The following ZNF221 variants were observed in gnomAD, a reference collection of about 807,000 sequenced individuals.
The protein encoded by ZNF221 is zinc finger protein 221.
A neutral mutation model predicts 12.6 loss-of-function variants in ZNF221; 10 were observed. The ratio of observed to expected loss-of-function variants is 0.79; its 90% CI spans 0.49 to 1.34. ZNF221 has a LOEUF of 1.34. ZNF221 is among the 40% of genes most tolerant of loss of function. The probability of loss-of-function intolerance (pLI) is 0.00; values close to 1 mark genes in which losing one functional copy is unlikely to be tolerated. For missense variants in ZNF221, 661 were observed against 721.4 expected (o/e 0.92, Z 0.96); for synonymous variants, 232 against 244.0 (o/e 0.95, Z 0.46).
At chr19:43,964,823 A>T (rs981304517) in intron 2 of ZNF221, 127 bp from the exon 3 acceptor site, 1 of 1,254,516 alleles carries the variant, frequency 8.0e-7, no homozygotes, top group East Asian at 2.3e-5. Flanking sequence ...GGAAATCTGT[A>T]TGTTGACCTA....
At chr19:43,978,330 CA>C in the ZNF221 span, 1 of 152,140 alleles carries the variant, frequency 6.6e-6, no homozygotes, top group Non-Finnish European at 1.5e-5. Context: ...TTAAAGTTAG[CA>C]GTCTGACTTA....
intron 2 of ZNF221, among the ~76,000 whole-genome samples, chr19:43,963,171 T>C (rs1974876549): frequency 1.3e-5 from 2 of 152,226 alleles, no homozygotes; most frequent in Non-Finnish European, 1.5e-5. Context: ...TAATATTATA[T>C]AATGTTCCAT....
At chr19:43,957,589 CTCTT>C (rs1184879459) in intron 1 of ZNF221, among the ~76,000 whole-genome samples, 2 of 152,220 alleles carry the variant, frequency 1.3e-5, no homozygotes, top group African/African-American at 4.8e-5. Context: ...ATGACTCTCT[CTCTT>C]TCTTCTTAGT....
In ZNF221 at chr19:43,965,213, A is replaced by G. The variant is rs1293720935; in HGVS notation, c.209-20A>G. The G allele has an allele frequency of 3.7e-6, 6 of 1,603,058 alleles. No homozygotes were observed. The highest frequency in any genetic ancestry group is 5.1e-6 in the Non-Finnish European group (6 of 1,174,976). ...TACCTACAATGGGTTGGAATTAAGC[A>G]TGTCACTGTGTGTTCACAGGGAATC... On this transcript the variant is annotated intron_variant, in intron 3 of 4. Coordinates refer to ENST00000587682, the MANE Select transcript of ZNF221 (RefSeq NM_001297588.2).
chr19:43,978,872 C>A, the ZNF221 span, among the ~76,000 whole-genome samples: 1 of 150,922 alleles, frequency 6.6e-6, no homozygotes, highest in South Asian at 2.1e-4. Flanking sequence ...ATTCTCTGAC[C>A]ATATCAGTAG....
chr19:43,975,888 G>C, the ZNF221 span, among the ~76,000 whole-genome samples: 1 of 151,940 alleles, frequency 6.6e-6, no homozygotes, highest in Non-Finnish European at 1.5e-5. Flanking sequence ...CTTATTATTT[G>C]GGACTCTGTC....
intron 1 of ZNF221, among the ~76,000 whole-genome samples, chr19:43,956,039 T>TAATG (rs1974748812): frequency 6.6e-6 from 1 of 152,212 alleles, no homozygotes. Flanking sequence ...TAGCCTCAGT[T>TAATG]AATGCCCCAT....
intron 1 of ZNF221, among the ~76,000 whole-genome samples, chr19:43,959,320 A>G (rs373043): frequency 0.97 from 147,393 of 152,304 alleles, 71,503 homozygotes; most frequent in East Asian, 1. Context: ...TTGTCCTGGT[A>G]TATTTTTTCC....
At chr19:43,953,766 C>G (rs1599811550) in intron 1 of ZNF221, among the ~76,000 whole-genome samples, 1 of 152,088 alleles carries the variant, frequency 6.6e-6, no homozygotes, top group Admixed American at 6.6e-5. Context: ...ATCTTTGAAC[C>G]CAGATCCTCT....
At chr19:43,965,419 C>T in intron 4 of ZNF221, 94 bp downstream of exon 4, 3 of 1,138,762 alleles carry the variant, frequency 2.6e-6, no homozygotes, top group Non-Finnish European at 3.6e-6. Context: ...TCTAAATTGC[C>T]AAACTTCTTT....
At chr19:43,956,630 G>A (rs1171266446) in intron 1 of ZNF221, among the ~76,000 whole-genome samples, 2 of 152,012 alleles carry the variant, frequency 1.3e-5, no homozygotes, top group Non-Finnish European at 2.9e-5. Context: ...TTCCAAGTGG[G>A]GTTTCTCATC....
rs1269222466 is a variant in ZNF221 at position 43,965,469 on chromosome 19, T to C, written c.301+144T>C. 7.5e-6 allele frequency: 5 copies of C among 670,666 alleles called. No homozygotes were observed. In the East Asian group the frequency reaches 1.4e-4, roughly 19 times the overall value. 41.5% of individuals were successfully genotyped at this position (670,666 alleles called of 1,614,324 possible). ...ACTGCCTTCCTTCTTTAAAGTTCCTTTGGCTTCATTATTCATGTTCATATT... is the reference window on the plus strand; with the variant it reads ...ACTGCCTTCCTTCTTTAAAGTTCCTCTGGCTTCATTATTCATGTTCATATT... On this transcript the variant is annotated intron_variant, in intron 4 of 4. Coordinates refer to ENST00000587682, the MANE Select transcript of ZNF221 (RefSeq NM_001297588.2).
chr19:43,965,859 G>A lies in ZNF221; in HGVS notation c.357G>A (p.Glu119=), dbSNP rs766051838. 48 of 1,613,590 alleles carry A rather than the reference G, an allele frequency of 3.0e-5. No homozygotes were observed. In the Middle Eastern group the frequency reaches 8.2e-4, roughly 28 times the overall value. ...ETVPEAGPHE[E]WSCQQIWEQI... ...TTCCAGAAGCAGGACCACATGAAGA[G>A]TGGTCCTGTCAGCAAATATGGGAAC... The change falls in exon 5 of 5, where the codon GAG becomes GAA. Residue 119 remains glutamate, a synonymous_variant. Coordinates refer to ENST00000587682, the MANE Select transcript of ZNF221 (RefSeq NM_001297588.2).
At chr19:43,954,578 T>C (rs1195562302) in intron 1 of ZNF221, among the ~76,000 whole-genome samples, 1 of 152,206 alleles carries the variant, frequency 6.6e-6, no homozygotes, top group African/African-American at 2.4e-5. Context: ...AATACAGTTA[T>C]ATTCACTGTT....
chr19:43,952,674 G>T (rs1480130453), intron 1 of ZNF221, among the ~76,000 whole-genome samples: 1 of 152,156 alleles, frequency 6.6e-6, no homozygotes, highest in Non-Finnish European at 1.5e-5. Flanking sequence ...TAATTTCTGG[G>T]ATACATTCTC....
downstream of ZNF221, chr19:43,968,151 A>T (rs1006189162): frequency 6.6e-6 from 1 of 152,320 alleles, no homozygotes; most frequent in African/African-American, 2.4e-5. Context: ...GATACATTTC[A>T]TACAGTCTCA....
intron 1 of ZNF221, among the ~76,000 whole-genome samples, chr19:43,960,892 A>G (rs1467037395): frequency 2.0e-5 from 3 of 152,210 alleles, no homozygotes; most frequent in East Asian, 1.9e-4. Context: ...GGGAGCCCCA[A>G]CAGAGAACCT....
At chr19:43,969,420 T>C (rs419277), downstream of ZNF221, among the ~76,000 whole-genome samples, 132,099 of 148,692 alleles carry the variant, frequency 0.89, 59,889 homozygotes, top group East Asian at 0.98. Flanking sequence ...ATGCTCTTGG[T>C]TCATGGCAAC....
At chr19:43,975,023 A>T in the ZNF221 span, among the ~76,000 whole-genome samples, 2 of 147,894 alleles carry the variant, frequency 1.4e-5, no homozygotes, top group Non-Finnish European at 3.0e-5. Context: ...CTGTGTCTCA[A>T]AAAAAAAAAA....
Sources: gnomAD v4.1 joint callset for allele counts (sites outside exome capture counted in the v4.1 genomes callset) on GRCh38, gnomAD v4.1.1 for gene constraint, MANE v1.5 for transcripts, NCBI Gene and HGNC (gene_info 2026-07-23, HGNC 2026-07-21) for gene names.